Variants in TACR1 observed in about 807,000 individuals in gnomAD.
The protein encoded by TACR1 is tachykinin receptor 1, also known as substance-P receptor.
Under a neutral mutation model 35.8 loss-of-function variants are expected in TACR1, and 25 were observed. That is an observed-to-expected ratio of 0.70 (90% CI 0.51 to 0.98). TACR1 has a LOEUF of 0.98. Among genes scored for constraint, TACR1 ranks in the 50% least tolerant of loss-of-function variants. The pLI is 0.00. For missense variants in TACR1, 478 were observed against 522.9 expected (o/e 0.91, Z 0.84); for synonymous variants, 195 against 206.7 (o/e 0.94, Z 0.48).
chr2:75,114,289 T>G (rs903645007), intron 2 of TACR1, among the ~76,000 whole-genome samples: 1 of 152,220 alleles, frequency 6.6e-6, no homozygotes, highest in African/African-American at 2.4e-5. Flanking sequence ...GAAATTTAAT[T>G]ATCAGAAAAT....
At chr2:75,184,900 A>C (rs1675651688) in intron 1 of TACR1, among the ~76,000 whole-genome samples, 1 of 151,910 alleles carries the variant, frequency 6.6e-6, no homozygotes, top group Admixed American at 6.5e-5. Flanking sequence ...CTGAAAAAAA[A>C]CTTGATATGC....
intron 1 of TACR1, among the ~76,000 whole-genome samples, chr2:75,190,414 T>C (rs188033872): frequency 4.9e-4 from 74 of 152,324 alleles, no homozygotes; most frequent in South Asian, 1.7e-3. Flanking sequence ...GCAAGAGATT[T>C]GCTGACCCAG....
At chr2:75,132,996 G>A (rs1157901372) in intron 1 of TACR1, among the ~76,000 whole-genome samples, 1 of 152,156 alleles carries the variant, frequency 6.6e-6, no homozygotes, top group Non-Finnish European at 1.5e-5. Context: ...TTACACTGAG[G>A]ATATAGCTTT....
rs142809732 is a variant in TACR1 at position 75,154,401 on chromosome 2, A to AGCGCGCTCGC, written c.390-33634_390-33633insGCGAGCGCGC. 2.0e-4 allele frequency: 15 copies of AGCGCGCTCGC among 76,500 alleles called. 3 individuals carry two copies. The highest frequency in any genetic ancestry group is 8.1e-4 in the African/African-American group (14 of 17,320). 4.7% of individuals were successfully genotyped at this position (76,500 alleles called of 1,614,324 possible). ...TGGCCCAGGGAGATAATCAGCCAAG[A>AGCGCGCTCGC]GCGCGCACGCACACACACACACACA... On this transcript the variant is annotated intron_variant, in intron 1 of 4. Transcript: ENST00000305249.
At chr2:75,130,590 A>T (rs1321886386) in intron 1 of TACR1, among the ~76,000 whole-genome samples, 1 of 152,236 alleles carries the variant, frequency 6.6e-6, no homozygotes, top group African/African-American at 2.4e-5. Flanking sequence ...TATAATTTCA[A>T]AGAAGCACAC....
rs1676070758 is a variant in TACR1, at chr2:75,199,135, GT to G, written c.-202del. ...TGGATGCACTGCCCGCCTGCCCGCG[GT>G]GGCTCTGAATTCCTCCACTTTCAAG... is the stretch of plus-strand genomic sequence containing the variant. On this transcript the variant is annotated 5_prime_UTR_variant, in exon 1 of 5. Coordinates refer to ENST00000305249, the MANE Select transcript of TACR1 (RefSeq NM_001058.4). 3.2e-6 allele frequency: 2 copies of G among 618,416 alleles called. No individual in the cohort carries two copies. The highest frequency in any genetic ancestry group is 5.5e-6 in the Non-Finnish European group (2 of 366,266). 38.3% of individuals were successfully genotyped at this position (618,416 alleles called of 1,614,324 possible).
At chr2:75,194,914 G>C (rs1459018365) in intron 1 of TACR1, among the ~76,000 whole-genome samples, 1 of 152,142 alleles carries the variant, frequency 6.6e-6, no homozygotes, top group Non-Finnish European at 1.5e-5. Context: ...CCATTCCCCA[G>C]CTCCCTGCAG....
At chr2:75,155,499 CTGAG>C (rs1417024056) in intron 1 of TACR1, among the ~76,000 whole-genome samples, 1 of 152,028 alleles carries the variant, frequency 6.6e-6, no homozygotes, top group African/African-American at 2.4e-5. Flanking sequence ...CAACCCCCAC[CTGAG>C]TATCACCAGC....
intron 1 of TACR1, among the ~76,000 whole-genome samples, chr2:75,192,868 C>T (rs1459944148): frequency 6.6e-6 from 1 of 152,124 alleles, no homozygotes; most frequent in African/African-American, 2.4e-5. Flanking sequence ...ATTTTATTAA[C>T]ATAAAACTTC....
intron 1 of TACR1, among the ~76,000 whole-genome samples, chr2:75,171,006 C>T (rs1675266118): frequency 6.6e-6 from 1 of 152,224 alleles, no homozygotes; most frequent in Admixed American, 6.5e-5. Context: ...TTCAAGCCGG[C>T]TGCAGAAATT....
At chr2:75,065,643 G>A (rs1440084080) in intron 2 of TACR1, among the ~76,000 whole-genome samples, 2 of 152,100 alleles carry the variant, frequency 1.3e-5, no homozygotes, top group South Asian at 4.1e-4. Flanking sequence ...TGTGGGAGAC[G>A]GATTGGATAC....
In TACR1 at chr2:75,132,858, G is replaced by A. The variant is rs137979357; in HGVS notation, c.390-12090C>T. On this transcript the variant is annotated intron_variant, in intron 1 of 4. Coordinates refer to ENST00000305249, the MANE Select transcript of TACR1 (RefSeq NM_001058.4). ...ATGAATTTGGTCTGCATCCCCATGTGAGGATACTTTTTCTGCTACGAACTC... is the reference window on the plus strand; with the variant it reads ...ATGAATTTGGTCTGCATCCCCATGTAAGGATACTTTTTCTGCTACGAACTC... Among the ~76,000 whole-genome samples, 804 of 152,344 alleles carry A rather than the reference G, an allele frequency of 5.3e-3. 4 individuals carry two copies. The highest frequency in any genetic ancestry group is 0.018 in the African/African-American group (769 of 41,584).
At chr2:75,152,024 T>G (rs1415073258) in intron 1 of TACR1, among the ~76,000 whole-genome samples, 2 of 152,210 alleles carry the variant, frequency 1.3e-5, no homozygotes, top group Non-Finnish European at 2.9e-5. Flanking sequence ...ATGGCTGTAT[T>G]TACCCAATAT....
At position 75,051,272 on chromosome 2, in the gene TACR1, A is replaced by G. The variant is rs772444222; in HGVS notation, c.911T>C (p.Ile304Thr). 6.2e-7 allele frequency: 1 copy of G among 1,614,218 alleles called. No individual in the cohort carries two copies. Among genetic ancestry groups the G allele is most frequent in the Non-Finnish European group, 8.5e-7 (1 of 1,180,046 alleles). The change falls in exon 4 of 5, where the codon ATC becomes ACC. Residue 304 changes from isoleucine (I) to threonine (T), a missense_variant. Physicochemically the swap from Ile to Thr is moderately conservative, Grantham distance 89. Coordinates refer to ENST00000305249, the MANE Select transcript of TACR1 (RefSeq NM_001058.4). ...TCACCTGTCATTGAGGCAGCAGTAG[A>G]TGATGGGGTTGTACATGGTGGAGCT... ...AMSSTMYNPIIYCCLNDRFRL... is the reference protein window; with the variant it reads ...AMSSTMYNPITYCCLNDRFRL...
intron 2 of TACR1, among the ~76,000 whole-genome samples, chr2:75,117,052 T>A (rs1673878539): frequency 6.6e-6 from 1 of 152,176 alleles, no homozygotes; most frequent in Admixed American, 6.5e-5. Context: ...TGTAGTAAGA[T>A]CTCATTATCA....
rs769650781 is a variant in TACR1 at position 75,120,741 on chromosome 2, C to T, written c.417G>A (p.Gln139=). Residue 139 remains glutamine (Q), a synonymous_variant, in exon 2 of 5, where the codon CAG becomes CAA. Transcript: ENST00000305249. ...DRYMAIIHPL[Q]PRLSATATKV... ...TGGTGGCTGTGGCTGACAGCCGGGG[C>T]TGGAGGGGATGTATGATGGCCATGT... is the stretch of plus-strand genomic sequence containing the variant. 3.7e-6 allele frequency: 6 copies of T among 1,613,140 alleles called. No homozygotes were observed. The highest frequency in any genetic ancestry group is 5.1e-6 in the Non-Finnish European group (6 of 1,179,718).
At chr2:75,124,804 A>G (rs1206290380) in intron 1 of TACR1, among the ~76,000 whole-genome samples, 1 of 152,230 alleles carries the variant, frequency 6.6e-6, no homozygotes, top group Non-Finnish European at 1.5e-5. Flanking sequence ...AGTTTACAGG[A>G]AGCGAAGAGC....
At chr2:75,097,504 G>A (rs754797505) in intron 2 of TACR1, among the ~76,000 whole-genome samples, 1 of 151,916 alleles carries the variant, frequency 6.6e-6, no homozygotes, top group African/African-American at 2.4e-5. Flanking sequence ...GAGACAACCT[G>A]GATCTTTTTA....
At chr2:75,179,672 G>T (rs1675514809) in intron 1 of TACR1, among the ~76,000 whole-genome samples, 1 of 152,174 alleles carries the variant, frequency 6.6e-6, no homozygotes, top group South Asian at 2.1e-4. Flanking sequence ...GATGTGTATT[G>T]CTTCTGGACT....
Sources: allele counts gnomAD v4.1 joint callset (sites outside exome capture counted in the v4.1 genomes callset), GRCh38; gene constraint gnomAD v4.1.1; transcripts MANE v1.5; gene names NCBI Gene and HGNC (gene_info 2026-07-23, HGNC 2026-07-21).